COL14A1: variants seen among roughly 807,000 people sequenced by gnomAD.
COL14A1 encodes the protein collagen alpha-1(XIV) chain.
Under a neutral mutation model 230.3 loss-of-function variants are expected in COL14A1, and 136 were observed. The ratio of observed to expected loss-of-function variants is 0.59; its 90% confidence interval spans 0.51 to 0.68. The LOEUF (loss-of-function observed/expected upper bound fraction) is 0.68. Among genes scored for constraint, COL14A1 ranks in the 30% least tolerant of loss-of-function variants. The pLI is 0.00. For missense variants in COL14A1, 1,976 were observed against 2,215.8 expected (o/e 0.89, Z 2.17); for synonymous variants, 792 against 784.1 (o/e 1.01, Z -0.17).
At chr8:120,365,230 A>G (rs1823369778) in intron 45 of COL14A1, among the ~76,000 whole-genome samples, 1 of 152,176 alleles carries the variant, frequency 6.6e-6, no homozygotes, top group Non-Finnish European at 1.5e-5. Context: ...TTTCCCAGAT[A>G]TCCTCTTCTG....
At chr8:120,198,666 C>T (rs1817126594) in intron 7 of COL14A1, among the ~76,000 whole-genome samples, 1 of 152,126 alleles carries the variant, frequency 6.6e-6, no homozygotes, top group African/African-American at 2.4e-5. Flanking sequence ...TCCAAAAATA[C>T]CTGAAATCCA....
chr8:120,232,420 C>T (rs1022974911), intron 19 of COL14A1, among the ~76,000 whole-genome samples: 27 of 152,092 alleles, frequency 1.8e-4, no homozygotes, highest in African/African-American at 6.0e-4. Context: ...CCTCCCCTTG[C>T]CCCACAACCC....
rs1818171691 is a variant in COL14A1, at chr8:120,228,827, A to T, written c.2197+58A>T. 2.2e-6 allele frequency: 3 copies of T among 1,376,540 alleles called. No homozygotes were observed. In the Admixed American group the frequency reaches 5.2e-5, roughly 24 times the overall value. 85.3% of individuals were successfully genotyped at this position (1,376,540 alleles called of 1,614,324 possible). A position where few individuals can be genotyped will look rare whatever the true frequency, so the allele number is the denominator to read the frequency against. The stretch of plus-strand genomic sequence containing the variant: ...TAAAAATTTTCTTTAAACAGATGTT[A>T]TATTATCCTGGTTTTATTTATTATT... On this transcript the variant is annotated intron_variant, in intron 18 of 47. Coordinates refer to ENST00000297848, the MANE Select transcript of COL14A1 (RefSeq NM_021110.4).
chr8:120,235,795 C>A (rs1376663032), intron 19 of COL14A1, among the ~76,000 whole-genome samples: 1 of 152,172 alleles, frequency 6.6e-6, no homozygotes, highest in Non-Finnish European at 1.5e-5. Flanking sequence ...TAGCTGTGTT[C>A]CAGAGATTCT....
At chr8:120,231,084 A>T (rs1189388568) in intron 18 of COL14A1, among the ~76,000 whole-genome samples, 2 of 152,174 alleles carry the variant, frequency 1.3e-5, no homozygotes, top group Non-Finnish European at 2.9e-5. Flanking sequence ...AGGTGGACAA[A>T]GTCTGGCCCA....
At position 120,345,490 on chromosome 8, in the gene COL14A1, T is replaced by G. The variant is rs376935629; in HGVS notation, c.5004T>G (p.Pro1668=). Residue 1668 remains proline (P), a synonymous_variant, in exon 45 of 48, where the codon CCT becomes CCG. Transcript: ENST00000297848. ...GGAGGCCAGGCTCACCTGGAGCCCCTGGTGAACAAGGACCCCCAGGCACAC... is the reference window on the plus strand; with the variant it reads ...GGAGGCCAGGCTCACCTGGAGCCCCGGGTGAACAAGGACCCCCAGGCACAC... ...EPGRPGSPGA[P]GEQGPPGTPG... The G allele has an allele frequency of 1.2e-6, 2 of 1,605,224 alleles. No individual in the cohort carries two copies. Among genetic ancestry groups the G allele is most frequent in the Admixed American group, 1.7e-5 (1 of 58,612 alleles).
At chr8:120,217,283 C>G (rs1043941220) in intron 14 of COL14A1, among the ~76,000 whole-genome samples, 1 of 152,138 alleles carries the variant, frequency 6.6e-6, no homozygotes, top group African/African-American at 2.4e-5. Context: ...CTAAGAAGTA[C>G]TTTCAGATAA....
chr8:120,140,298 T>C lies in COL14A1; in HGVS notation c.-37-7508T>C, dbSNP rs183366584. Among the ~76,000 whole-genome samples, 242 of 152,314 alleles carry C rather than the reference T, an allele frequency of 1.6e-3. 2 individuals carry two copies. Among genetic ancestry groups the C allele is most frequent in the African/African-American group, 5.6e-3 (231 of 41,568 alleles). On this transcript the variant is annotated intron_variant, in intron 1 of 47. Transcript: ENST00000297848. ...GCAATCTTGCTTTTCAAGTAAATTG[T>C]AAGTGAGCTCACCTAAGGTTCACTT...
intron 34 of COL14A1, among the ~76,000 whole-genome samples, chr8:120,295,257 A>C (rs79029825): frequency 2.0e-5 from 3 of 151,922 alleles, no homozygotes; most frequent in African/African-American, 7.2e-5. Flanking sequence ...TCATTGGGCT[A>C]TCTGCATTTT....
chr8:120,183,766 C>T (rs1009841888), intron 5 of COL14A1, among the ~76,000 whole-genome samples: 4 of 152,158 alleles, frequency 2.6e-5, no homozygotes, highest in Admixed American at 1.3e-4. Context: ...CATCCCAGGT[C>T]GAATATAGGA....
At chr8:120,294,907 G>A (rs148303920) in intron 34 of COL14A1, among the ~76,000 whole-genome samples, 15 of 151,814 alleles carry the variant, frequency 9.9e-5, no homozygotes, top group African/African-American at 2.7e-4. Context: ...ATTCAACCCC[G>A]GAATAAATAA....
Position 120,349,131 on chromosome 8 carries a change from A to C in COL14A1, c.5077+3568A>C, listed in dbSNP as rs199804796. On this transcript the variant is annotated intron_variant, in intron 45 of 47. Coordinates refer to ENST00000297848, the MANE Select transcript of COL14A1 (RefSeq NM_021110.4). ...GCACCCCCCAGCAGGGGCACACTGA[A>C]ACCTCACATGGCAGGGTATTCCAAC... is the stretch of plus-strand genomic sequence containing the variant. Among the ~76,000 whole-genome samples the C allele has an allele frequency of 1.5e-4, 23 of 152,266 alleles. No individual in the cohort carries two copies. In the South Asian group the frequency reaches 4.6e-3, roughly 30 times the overall value.
At position 120,213,839 on chromosome 8, in the gene COL14A1, T is replaced by C. The variant is rs115637898; in HGVS notation, c.1597+1262T>C. ...GTAAATTAGACACTATTCTATTATA[T>C]TGCCAAATGTAATAGAATTCCAGAA... On this transcript the variant is annotated intron_variant, in intron 13 of 47. Transcript: ENST00000297848. 4.0e-3 allele frequency: 1,252 copies of C among 316,520 alleles called. 11 individuals carry two copies. The highest frequency in any genetic ancestry group is 0.025 in the African/African-American group (1,124 of 44,474). 19.6% of individuals were successfully genotyped at this position (316,520 alleles called of 1,614,324 possible). A position where few individuals can be genotyped will look rare whatever the true frequency, so the allele number is the denominator to read the frequency against.
chr8:120,189,884 T>C (rs1245607762), intron 5 of COL14A1, among the ~76,000 whole-genome samples: 1 of 152,070 alleles, frequency 6.6e-6, no homozygotes, highest in African/African-American at 2.4e-5. Flanking sequence ...CAGTCTATCA[T>C]TGTTGGACAT....
At chr8:120,167,404 G>A (rs554061401) in intron 4 of COL14A1, among the ~76,000 whole-genome samples, 44 of 152,280 alleles carry the variant, frequency 2.9e-4, no homozygotes, top group South Asian at 4.1e-4. Context: ...TTTTCACAGG[G>A]TGTTTTATTT....
intron 20 of COL14A1, among the ~76,000 whole-genome samples, chr8:120,246,490 A>T (rs1818768666): frequency 6.6e-6 from 1 of 151,400 alleles, no homozygotes; most frequent in African/African-American, 2.4e-5. Context: ...TAAATGTTTG[A>T]AAACCAAAAT....
chr8:120,264,445 C>T (rs192004022), intron 24 of COL14A1, among the ~76,000 whole-genome samples: 2 of 152,194 alleles, frequency 1.3e-5, no homozygotes, highest in East Asian at 3.9e-4. Context: ...TGGCTTTAGG[C>T]GATTCAGCAT....
chr8:120,212,654 T>C (rs935115543), intron 13 of COL14A1, 77 bp downstream of exon 13: 27 of 1,545,734 alleles, frequency 1.7e-5, no homozygotes, highest in Non-Finnish European at 2.1e-5. Context: ...TTGGAACTAC[T>C]AGTTTTGTTG....
chr8:120,182,698 GC>G (rs1816498690), intron 5 of COL14A1, among the ~76,000 whole-genome samples: 1 of 148,814 alleles, frequency 6.7e-6, no homozygotes, highest in Non-Finnish European at 1.5e-5. Context: ...AAACTTTAAA[GC>G]AAACTTAATT....
Sources: allele counts gnomAD v4.1 joint callset (sites outside exome capture counted in the v4.1 genomes callset), GRCh38; gene constraint gnomAD v4.1.1; transcripts MANE v1.5; gene names NCBI Gene and HGNC (gene_info 2026-07-23, HGNC 2026-07-21).